ITPR1: variants seen among roughly 807,000 people sequenced by gnomAD.
The protein encoded by ITPR1 is inositol 1,4,5-trisphosphate receptor type 1, also known as inositol 1,4,5-trisphosphate-gated calcium channel ITPR1.
A neutral mutation model predicts 318.4 loss-of-function variants in ITPR1; 96 were observed. The ratio of observed to expected loss-of-function variants is 0.30; its 90% CI spans 0.26 to 0.36. The LOEUF (loss-of-function observed/expected upper bound fraction) is 0.36. Among genes scored for constraint, ITPR1 ranks in the 10% least tolerant of loss-of-function variants. The pLI, the probability that ITPR1 is intolerant of heterozygous loss-of-function variation, is 1.00. For synonymous variants in ITPR1, 1,312 were observed against 1,289.9 expected, an observed-to-expected ratio of 1.02 and a Z score of -0.37; for missense variants, 2,440 against 3,460.2, an observed-to-expected ratio of 0.71 and a Z score of 7.40.
At chr3:4,545,786 C>T (rs1427393089) in intron 4 of ITPR1, among the ~76,000 whole-genome samples, 1 of 150,928 alleles carries the variant, frequency 6.6e-6, no homozygotes. Flanking sequence ...TAGCCTCAGC[C>T]TCCTGGGCTC....
chr3:4,511,490 G>T (rs1314928503), intron 2 of ITPR1, among the ~76,000 whole-genome samples: 1 of 152,204 alleles, frequency 6.6e-6, no homozygotes, highest in Non-Finnish European at 1.5e-5. Context: ...TGTTTTAACA[G>T]GTGCTTGCAC....
intron 51 of ITPR1, among the ~76,000 whole-genome samples, chr3:4,784,910 G>A (rs891506429): frequency 5.3e-5 from 8 of 151,862 alleles, no homozygotes; most frequent in African/African-American, 1.5e-4. Context: ...AAAAGAAAAA[G>A]TGTCATGATG....
intron 60 of ITPR1, among the ~76,000 whole-genome samples, chr3:4,834,967 G>C (rs1452150620): frequency 6.6e-6 from 1 of 152,190 alleles, no homozygotes; most frequent in African/African-American, 2.4e-5. Flanking sequence ...TTAAGCATTT[G>C]TTATTAGGGT....
At chr3:4,755,923 CTA>C (rs1320273158) in intron 44 of ITPR1, among the ~76,000 whole-genome samples, 1 of 152,134 alleles carries the variant, frequency 6.6e-6, no homozygotes, top group Non-Finnish European at 1.5e-5. Flanking sequence ...ACTTGGAAGT[CTA>C]TGTTATTTCT....
intron 4 of ITPR1, among the ~76,000 whole-genome samples, chr3:4,624,905 ACTG>A (rs1307931285): frequency 1.3e-5 from 2 of 152,228 alleles, no homozygotes; most frequent in East Asian, 3.9e-4. Flanking sequence ...TGGTAGGAAA[ACTG>A]CTGCTCTGGA....
At position 4,673,697 on chromosome 3, in the gene ITPR1, C is replaced by G. The variant is rs536035217; in HGVS notation, c.2456+310C>G. Among the ~76,000 whole-genome samples, 387 of 152,254 alleles carry G rather than the reference C, an allele frequency of 2.5e-3. 2 individuals carry two copies. Among genetic ancestry groups the G allele is most frequent in the African/African-American group, 8.9e-3 (369 of 41,540 alleles). ...TCCCGGGTTCGTGCCATTCTCCTTC[C>G]TCAGCCTCCCAAGTAGCTGGGACTA... On this transcript the variant is annotated intron_variant, in intron 21 of 61. Transcript: ENST00000649015.
At chr3:4,663,648 A>G (rs930793525) in intron 16 of ITPR1, among the ~76,000 whole-genome samples, 1 of 152,202 alleles carries the variant, frequency 6.6e-6, no homozygotes. Context: ...ATCAACATTG[A>G]TACATCATTA....
chr3:4,787,967 A>G lies in ITPR1; in HGVS notation c.6636A>G (p.Thr2212=). 1 of 1,612,392 alleles carries G rather than the reference A, an allele frequency of 6.2e-7. No individual in the cohort carries two copies. The highest frequency in any genetic ancestry group is 8.5e-7 in the Non-Finnish European group (1 of 1,178,958). ...CCTAGATTGTCAGATTAGACCGAAC[A>G]ATGGAACAGATAGTCTTTCCCGTGC... ...AQIEIVRLDR[T]MEQIVFPVPS... is the part of the protein sequence containing the mutation. The change falls in exon 52 of 62, where the codon ACA becomes ACG. Residue 2212 remains threonine, a synonymous_variant. Coordinates refer to ENST00000649015, the MANE Select transcript of ITPR1 (RefSeq NM_001378452.1).
rs1248921355 is a variant in ITPR1 at position 4,756,599 on chromosome 3, G to T, written c.5545-9931G>T. The stretch of plus-strand genomic sequence containing the variant: ...GTGCAGTATTTGGTTTCCTGTTCCT[G>T]CATTCGTTTGCTGAGGATAATAGCC... On this transcript the variant is annotated intron_variant, in intron 44 of 61. Transcript: ENST00000649015. Among the ~76,000 whole-genome samples the T allele has an allele frequency of 2.0e-5, 3 of 151,978 alleles. No individual in the cohort carries two copies. In the East Asian group the frequency reaches 5.8e-4, roughly 29 times the overall value.
Position 4,743,074 on chromosome 3 carries a change from G to A in ITPR1, c.5544+7720G>A, listed in dbSNP as rs578057467. The stretch of plus-strand genomic sequence containing the variant: ...ATGAGAGACATTCTGGGATGAAGCA[G>A]AAAGAAAAACAGCAATCTAGTCACT... On this transcript the variant is annotated intron_variant, in intron 44 of 61. Transcript: ENST00000649015. Among the ~76,000 whole-genome samples, 15 of 152,352 alleles carry A rather than the reference G, an allele frequency of 9.8e-5. No homozygotes were observed. In the South Asian group the frequency reaches 2.7e-3, roughly 27 times the overall value.
chr3:4,752,938 AATC>A (rs1013215507), intron 44 of ITPR1, among the ~76,000 whole-genome samples: 1 of 152,210 alleles, frequency 6.6e-6, no homozygotes, highest in African/African-American at 2.4e-5. Context: ...AGAGCTAGGA[AATC>A]AGCTCATCAT....
intron 61 of ITPR1, among the ~76,000 whole-genome samples, chr3:4,843,326 T>C (rs909390004): frequency 1.3e-5 from 2 of 152,162 alleles, no homozygotes; most frequent in East Asian, 3.8e-4. Context: ...TTGAGAAAAA[T>C]AATATATGTA....
At chr3:4,649,704 TA>T (rs139885933) in intron 10 of ITPR1, among the ~76,000 whole-genome samples, 1,587 of 152,316 alleles carry the variant, frequency 0.01, 31 homozygotes, top group African/African-American at 0.036. Flanking sequence ...GGGTTGCTTA[TA>T]AATATCAGAA....
At position 4,688,479 on chromosome 3, in the gene ITPR1, G is replaced by C. The variant is rs993833488; in HGVS notation, c.3703-16G>C. The C allele has an allele frequency of 1.2e-6, 2 of 1,613,258 alleles. No homozygotes were observed. The highest frequency in any genetic ancestry group is 1.7e-6 in the Non-Finnish European group (2 of 1,179,424). On this transcript the variant is annotated splice_polypyrimidine_tract_variant and intron_variant, in intron 30 of 61. Transcript: ENST00000649015. ...GGCCCAGCAATCAGTGCTTTCATCT[G>C]TCTCCTCCCACACAGGCCGAAGATA...
chr3:4,715,681 C>T (rs1475476498), intron 39 of ITPR1, among the ~76,000 whole-genome samples: 1 of 152,102 alleles, frequency 6.6e-6, no homozygotes, highest in Non-Finnish European at 1.5e-5. Context: ...GGAGAAACCC[C>T]GTCTCTACTA....
At chr3:4,783,482 G>T (rs893905098) in intron 50 of ITPR1, among the ~76,000 whole-genome samples, 4 of 150,162 alleles carry the variant, frequency 2.7e-5, no homozygotes, top group Non-Finnish European at 5.9e-5. Flanking sequence ...TCCCTTCCAT[G>T]ACCACATCTG....
At chr3:4,658,855 ATAT>A (rs2093770145) in intron 13 of ITPR1, among the ~76,000 whole-genome samples, 1 of 152,166 alleles carries the variant, frequency 6.6e-6, no homozygotes, top group Non-Finnish European at 1.5e-5. Context: ...AGAATCAACA[ATAT>A]TAATAATAAT....
At chr3:4,835,573 TG>T (rs2050844348) in intron 60 of ITPR1, among the ~76,000 whole-genome samples, 1 of 152,018 alleles carries the variant, frequency 6.6e-6, no homozygotes, top group Non-Finnish European at 1.5e-5. Flanking sequence ...TGAGTGTGTG[TG>T]TGTGTGGGAG....
rs886058619 is a variant in ITPR1 at position 4,733,211 on chromosome 3, G to A, written c.5344G>A (p.Gly1782Arg). 27 of 1,613,790 alleles carry A rather than the reference G, an allele frequency of 1.7e-5. No homozygotes were observed. Among genetic ancestry groups the A allele is most frequent in the East Asian group, 2.2e-5 (1 of 44,900 alleles). Residue 1782 changes from glycine (G) to arginine (R), a missense_variant, in exon 43 of 62, where the codon GGG becomes AGG. Gly to Arg is a moderately radical substitution (Grantham distance 125, BLOSUM62 -2). This residue lies in a region of ITPR1 where 166 missense variants were observed against 143.7 expected (regional missense o/e 1.16). Transcript: ENST00000649015. ...GTCAGCAGGAGGACCCGGCAAGCCC[G>A]GGGGAGGAGGTACGCTTTGTGGTGT... is the stretch of plus-strand genomic sequence containing the variant. ...PLSAGGPGKP[G>R]GGGGGSGSSS...
Sources: gnomAD v4.1 joint callset for allele counts (sites outside exome capture counted in the v4.1 genomes callset) on GRCh38, gnomAD v4.1.1 for gene constraint, gnomAD v4.1.1 regional missense constraint, MANE v1.5 for transcripts, NCBI Gene and HGNC (gene_info 2026-07-23, HGNC 2026-07-21) for gene names.